The following GALNT17 variants were observed in gnomAD, a reference collection of about 807,000 sequenced individuals.
The protein encoded by GALNT17 is UDP-GalNAc:polypeptide N-acetylgalactosaminyltransferase-like 3.
GALNT17 carries 29 observed loss-of-function variants against 63.7 expected under a neutral mutation model. The ratio of observed to expected loss-of-function variants is 0.46; its 90% CI spans 0.34 to 0.62. The LOEUF is 0.62. Among genes scored for constraint, GALNT17 ranks in the 20% least tolerant of loss-of-function variants. GALNT17 has a pLI of 0.01. For synonymous variants in GALNT17, 305 were observed against 318.3 expected (o/e 0.96, Z 0.45); for missense variants, 603 against 799.6 (o/e 0.75, Z 2.97).
chr7:71,480,154 T>A (rs1428877263), intron 5 of GALNT17, among the ~76,000 whole-genome samples: 1 of 83,402 alleles, frequency 1.2e-5, no homozygotes, highest in Non-Finnish European at 2.3e-5. Flanking sequence ...TTTTTTGGAG[T>A]CTTTTTTTTT....
chr7:71,390,722 G>A lies in GALNT17; in HGVS notation c.589+2321G>A, dbSNP rs1033067717. 3.3e-5 allele frequency among the ~76,000 whole-genome samples: 5 copies of A among 152,102 alleles called. No homozygotes were observed. In the East Asian group the frequency reaches 9.7e-4, roughly 29 times the overall value. On this transcript the variant is annotated intron_variant, in intron 3 of 10. Coordinates refer to ENST00000333538, the MANE Select transcript of GALNT17 (RefSeq NM_022479.3). Reference sequence around the variant, plus strand: ...TTCTCTCGAACTCCCTGTTCCTGTGGCCCCCTTCATCAGCCTTCTAAGTCC... The same window carrying A: ...TTCTCTCGAACTCCCTGTTCCTGTGACCCCCTTCATCAGCCTTCTAAGTCC...
intron 10 of GALNT17, 78 bp downstream of exon 10, chr7:71,711,006 C>A: frequency 6.6e-7 from 1 of 1,522,470 alleles, no homozygotes; most frequent in South Asian, 1.2e-5. Flanking sequence ...TCCTGCTTCC[C>A]CAGGGGTCCC....
chr7:71,518,150 A>C (rs142591187), intron 5 of GALNT17, among the ~76,000 whole-genome samples: 18 of 152,310 alleles, frequency 1.2e-4, no homozygotes, highest in African/African-American at 4.3e-4. Flanking sequence ...TCTTAGCTCA[A>C]GGGAGACATC....
chr7:71,407,969 A>G (rs140026755), intron 3 of GALNT17, among the ~76,000 whole-genome samples: 1 of 152,084 alleles, frequency 6.6e-6, no homozygotes, highest in African/African-American at 2.4e-5. Context: ...GGGTGATGAA[A>G]AAGTTCTAGA....
At chr7:71,710,005 C>A (rs1791769696) in intron 9 of GALNT17, among the ~76,000 whole-genome samples, 1 of 152,144 alleles carries the variant, frequency 6.6e-6, no homozygotes. Context: ...TGAATGGCTT[C>A]TTTGAGCCTT....
At chr7:71,613,045 G>A (rs564189970) in intron 6 of GALNT17, among the ~76,000 whole-genome samples, 26 of 152,132 alleles carry the variant, frequency 1.7e-4, no homozygotes, top group Non-Finnish European at 3.2e-4. Context: ...TTTCTGATGC[G>A]GGGAGGCTAG....
At chr7:71,207,495 T>C (rs1412018105) in intron 1 of GALNT17, among the ~76,000 whole-genome samples, 1 of 152,174 alleles carries the variant, frequency 6.6e-6, no homozygotes, top group Non-Finnish European at 1.5e-5. Flanking sequence ...ATTCTTCTTC[T>C]GCTATGCAGT....
intron 6 of GALNT17, among the ~76,000 whole-genome samples, chr7:71,644,441 A>G (rs1484828102): frequency 1.4e-5 from 2 of 146,016 alleles, no homozygotes; most frequent in Admixed American, 7.0e-5. Flanking sequence ...AGGCTGAGGC[A>G]GGAGAATTGC....
At chr7:71,702,401 G>A (rs750159079) in intron 9 of GALNT17, among the ~76,000 whole-genome samples, 5 of 152,060 alleles carry the variant, frequency 3.3e-5, no homozygotes, top group Admixed American at 6.6e-5. Context: ...GCAGGGAGGC[G>A]CATGTGGCTG....
intron 1 of GALNT17, among the ~76,000 whole-genome samples, chr7:71,196,520 C>T (rs966452471): frequency 2.6e-5 from 4 of 152,120 alleles, no homozygotes; most frequent in African/African-American, 9.7e-5. Context: ...TATGTCTCCT[C>T]CTACTGAATT....
intron 5 of GALNT17, among the ~76,000 whole-genome samples, chr7:71,425,486 T>A (rs1233173414): frequency 6.6e-6 from 1 of 152,112 alleles, no homozygotes; most frequent in South Asian, 2.1e-4. Context: ...CCTCCCAAAG[T>A]GCTAGGATTA....
chr7:71,586,470 G>A (rs1789718499), intron 6 of GALNT17, among the ~76,000 whole-genome samples: 1 of 152,172 alleles, frequency 6.6e-6, no homozygotes, highest in African/African-American at 2.4e-5. Context: ...GGACTGGTAT[G>A]AGCATTCATA....
chr7:71,420,812 C>G, intron 4 of GALNT17, 96 bp from the exon 5 acceptor site: 1 of 1,457,272 alleles, frequency 6.9e-7, no homozygotes, highest in Non-Finnish European at 9.5e-7. Context: ...CAAAGCCCAG[C>G]CTTAAGTAGC....
At chr7:71,380,965 T>G (rs1273795032) in intron 2 of GALNT17, among the ~76,000 whole-genome samples, 2 of 150,862 alleles carry the variant, frequency 1.3e-5, no homozygotes, top group South Asian at 4.2e-4. Context: ...CTGGGGTTTT[T>G]GTTTTTTTTT....
chr7:71,604,179 C>T (rs542032602), intron 6 of GALNT17, among the ~76,000 whole-genome samples: 1 of 120,278 alleles, frequency 8.3e-6, no homozygotes, highest in South Asian at 2.8e-4. Context: ...AGCGCATATA[C>T]CAGATACTAT....
intron 1 of GALNT17, among the ~76,000 whole-genome samples, chr7:71,254,040 G>A (rs531078388): frequency 8.5e-5 from 13 of 152,306 alleles, no homozygotes; most frequent in African/African-American, 3.1e-4. Flanking sequence ...ATATGTTTCA[G>A]GGAGACATAA....
At chr7:71,209,076 T>C (rs1789328355) in intron 1 of GALNT17, among the ~76,000 whole-genome samples, 1 of 152,224 alleles carries the variant, frequency 6.6e-6, no homozygotes, top group African/African-American at 2.4e-5. Context: ...CATAAACAAA[T>C]GAGTGTGGCT....
chr7:71,149,620 C>T (rs1004515132), intron 1 of GALNT17, among the ~76,000 whole-genome samples: 1 of 152,080 alleles, frequency 6.6e-6, no homozygotes, highest in South Asian at 2.1e-4. Context: ...TTATGCTGTG[C>T]GAGCTGTAAA....
chr7:71,562,422 A>C (rs1486378206), intron 5 of GALNT17, among the ~76,000 whole-genome samples: 1 of 152,152 alleles, frequency 6.6e-6, no homozygotes, highest in Non-Finnish European at 1.5e-5. Flanking sequence ...TAGTTCTACA[A>C]CTCACCATCA....
Sources: allele counts gnomAD v4.1 joint callset (sites outside exome capture counted in the v4.1 genomes callset), GRCh38; gene constraint gnomAD v4.1.1; transcripts MANE v1.5; gene names NCBI Gene and HGNC (gene_info 2026-07-23, HGNC 2026-07-21).